Variants in LRMDA observed in about 807,000 individuals in gnomAD.
LRMDA encodes the protein leucine rich melanocyte differentiation associated, also known as leucine-rich melanocyte differentiation-associated protein.
LRMDA carries 18 observed loss-of-function variants against 29.8 expected under a neutral mutation model. That is an observed-to-expected ratio of 0.60 (90% CI 0.42 to 0.90). LRMDA has a LOEUF of 0.90. Ranked by LOEUF, LRMDA falls within the 40% of genes least tolerant of loss-of-function variation. LRMDA has a pLI of 0.00. For synonymous variants in LRMDA, 125 were observed against 109.4 expected (o/e 1.14, Z -0.89); for missense variants, 273 against 273.9 (o/e 1.00, Z 0.02).
intron 2 of LRMDA, among the ~76,000 whole-genome samples, chr10:76,023,061 T>C (rs989628119): frequency 6.6e-6 from 1 of 152,092 alleles, no homozygotes; most frequent in African/African-American, 2.4e-5. Flanking sequence ...TCTTCTTCCT[T>C]CTGCCATCTT....
intron 2 of LRMDA, among the ~76,000 whole-genome samples, chr10:76,009,248 C>T (rs1847729424): frequency 6.6e-6 from 1 of 152,146 alleles, no homozygotes; most frequent in African/African-American, 2.4e-5. Flanking sequence ...TCTTTGGGAC[C>T]CCCACTGCTT....
chr10:76,480,187 AG>A (rs1424333331), intron 6 of LRMDA, among the ~76,000 whole-genome samples: 1 of 151,850 alleles, frequency 6.6e-6, no homozygotes, highest in East Asian at 1.9e-4. Flanking sequence ...GAAATCCGTG[AG>A]TTTCTTTCAT....
intron 5 of LRMDA, among the ~76,000 whole-genome samples, chr10:76,211,149 C>G (rs1265595337): frequency 6.6e-6 from 1 of 152,166 alleles, no homozygotes; most frequent in South Asian, 2.1e-4. Context: ...TGTCTTTGCT[C>G]ATCTTGGGCT....
At chr10:76,146,408 G>T (rs2132158256) in intron 5 of LRMDA, among the ~76,000 whole-genome samples, 1 of 151,720 alleles carries the variant, frequency 6.6e-6, no homozygotes, top group African/African-American at 2.4e-5. Flanking sequence ...AGGATAGTTA[G>T]CTCTTCTTGT....
chr10:75,697,286 C>T (rs1842247004), intron 2 of LRMDA, among the ~76,000 whole-genome samples: 1 of 151,406 alleles, frequency 6.6e-6, no homozygotes, highest in Non-Finnish European at 1.5e-5. Flanking sequence ...AGTTAGAAGA[C>T]ACTGTTGGTT....
chr10:75,471,190 C>A (rs534175880), intron 2 of LRMDA, among the ~76,000 whole-genome samples: 2 of 151,542 alleles, frequency 1.3e-5, no homozygotes, highest in East Asian at 3.9e-4. Flanking sequence ...AATTTCATCA[C>A]CTTAATTCAG....
intron 6 of LRMDA, among the ~76,000 whole-genome samples, chr10:76,495,820 T>TCTACTACTGATGGGCACTTGGGTTG (rs1363181945): frequency 3.8e-5 from 3 of 78,332 alleles, no homozygotes; most frequent in East Asian, 2.5e-4. Flanking sequence ...CCATTTTCAG[T>TCTACTACTGATGGGCACTTGGGTTG]ATATAGAAAA....
At chr10:75,472,591 A>G (rs912615867) in intron 2 of LRMDA, among the ~76,000 whole-genome samples, 3 of 152,186 alleles carry the variant, frequency 2.0e-5, no homozygotes, top group East Asian at 3.9e-4. Context: ...TGCTCATTCA[A>G]TGGTTATTGA....
At chr10:76,142,081 G>A (rs1359355816) in intron 5 of LRMDA, among the ~76,000 whole-genome samples, 1 of 151,858 alleles carries the variant, frequency 6.6e-6, no homozygotes, top group African/African-American at 2.4e-5. Context: ...CTTCTCTGTG[G>A]TCCTAGGCTG....
intron 5 of LRMDA, among the ~76,000 whole-genome samples, chr10:76,320,581 T>C (rs1021618151): frequency 1.3e-5 from 2 of 152,166 alleles, no homozygotes; most frequent in Non-Finnish European, 2.9e-5. Context: ...TAGGAGTGCA[T>C]GGATTAGAAA....
At chr10:75,594,018 T>G (rs1415522105) in intron 2 of LRMDA, among the ~76,000 whole-genome samples, 4 of 152,256 alleles carry the variant, frequency 2.6e-5, no homozygotes, top group Admixed American at 1.3e-4. Flanking sequence ...GACCAGTTGT[T>G]CTGTGAGTAA....
intron 4 of LRMDA, among the ~76,000 whole-genome samples, chr10:76,055,158 T>C (rs1040743390): frequency 1.3e-5 from 2 of 149,446 alleles, no homozygotes; most frequent in Admixed American, 1.3e-4. Flanking sequence ...ACTTTCTTGA[T>C]TTTGGGTGAG....
intron 2 of LRMDA, among the ~76,000 whole-genome samples, chr10:75,565,951 T>C (rs781260285): frequency 1.3e-5 from 2 of 152,166 alleles, no homozygotes; most frequent in Non-Finnish European, 2.9e-5. Flanking sequence ...TGTATGTGTC[T>C]GTGGTCCCGG....
intron 2 of LRMDA, among the ~76,000 whole-genome samples, chr10:75,996,587 C>T (rs1392295313): frequency 2.0e-5 from 3 of 152,194 alleles, no homozygotes; most frequent in Non-Finnish European, 4.4e-5. Context: ...TGTTTCGATA[C>T]TAGCAATAAC....
At chr10:75,883,694 C>T (rs548108941) in intron 2 of LRMDA, among the ~76,000 whole-genome samples, 10 of 151,882 alleles carry the variant, frequency 6.6e-5, no homozygotes, top group African/African-American at 2.4e-4. Flanking sequence ...CAGGCAGAGC[C>T]GAGGTACTGA....
intron 2 of LRMDA, among the ~76,000 whole-genome samples, chr10:75,864,119 G>A (rs913966549): frequency 5.9e-5 from 9 of 152,146 alleles, no homozygotes; most frequent in African/African-American, 9.7e-5. Context: ...AACTTTTAAC[G>A]GGGCAAGGTC....
chr10:76,432,793 C>T (rs1321684356), intron 6 of LRMDA, among the ~76,000 whole-genome samples: 7 of 152,172 alleles, frequency 4.6e-5, no homozygotes. Context: ...TTGGAAACCC[C>T]ACTGTTTCCA....
chr10:75,653,456 C>T (rs535108596), intron 2 of LRMDA, among the ~76,000 whole-genome samples: 2 of 152,314 alleles, frequency 1.3e-5, no homozygotes, highest in East Asian at 3.9e-4. Flanking sequence ...AAGGAGGACT[C>T]TAAATCTAAT....
At chr10:76,347,094 A>G (rs993513613) in intron 6 of LRMDA, among the ~76,000 whole-genome samples, 1 of 152,218 alleles carries the variant, frequency 6.6e-6, no homozygotes, top group Non-Finnish European at 1.5e-5. Context: ...TAGTGCTTTT[A>G]TTACAGATAG....
Sources: allele counts gnomAD v4.1 joint callset (sites outside exome capture counted in the v4.1 genomes callset), GRCh38; gene constraint gnomAD v4.1.1; transcripts MANE v1.5; gene names NCBI Gene and HGNC (gene_info 2026-07-23, HGNC 2026-07-21).